SEC31A: variants seen among roughly 807,000 people sequenced by gnomAD.
SEC31A encodes the protein protein transport protein Sec31A.
SEC31A carries 70 observed loss-of-function variants against 151.0 expected under a neutral mutation model. The ratio of observed to expected loss-of-function variants is 0.46; its 90% CI spans 0.38 to 0.57. The LOEUF (loss-of-function observed/expected upper bound fraction) is 0.57. Among genes scored for constraint, SEC31A ranks in the 20% least tolerant of loss-of-function variants. The probability of loss-of-function intolerance (pLI) is 0.00; values close to 1 mark genes in which losing one functional copy is unlikely to be tolerated. For missense variants in SEC31A, 1,330 were observed against 1,471.2 expected (o/e 0.90, Z 1.57); for synonymous variants, 475 against 505.9 (o/e 0.94, Z 0.82).
At chr4:82,849,479 T>C (rs571557052) in intron 19 of SEC31A, among the ~76,000 whole-genome samples, 3 of 151,906 alleles carry the variant, frequency 2.0e-5, no homozygotes, top group Non-Finnish European at 4.4e-5. Flanking sequence ...CTGGGTGTGG[T>C]GGCGGGCACC....
chr4:82,854,868 T>C (rs748829832), intron 17 of SEC31A, 35 bp downstream of exon 17: 2 of 1,569,554 alleles, frequency 1.3e-6, no homozygotes, highest in Non-Finnish European at 8.6e-7. Flanking sequence ...CTGCCACGTA[T>C]GTAAATGCAG....
chr4:82,855,359 C>G (rs369701736), intron 16 of SEC31A, among the ~76,000 whole-genome samples: 23 of 152,258 alleles, frequency 1.5e-4, no homozygotes, highest in Admixed American at 1.0e-3. Flanking sequence ...GAAGGACAAG[C>G]AGGAATTAAC....
At chr4:82,887,075 C>A (rs188586780) in intron 1 of SEC31A, among the ~76,000 whole-genome samples, 134 of 152,162 alleles carry the variant, frequency 8.8e-4, no homozygotes, top group African/African-American at 2.9e-3. Context: ...ATTCTTAACT[C>A]TTTAAAGGAT....
chr4:82,853,345 A>C (rs1453625578), intron 18 of SEC31A, among the ~76,000 whole-genome samples: 1 of 152,142 alleles, frequency 6.6e-6, no homozygotes, highest in Non-Finnish European at 1.5e-5. Context: ...TTCCCCCAAT[A>C]AACTCACAAA....
chr4:82,822,021 CT>C (rs1384958718), intron 25 of SEC31A, among the ~76,000 whole-genome samples: 1 of 151,996 alleles, frequency 6.6e-6, no homozygotes, highest in African/African-American at 2.4e-5. Context: ...AATTAAAAAG[CT>C]TTTTTTTCTC....
intron 20 of SEC31A, 107 bp downstream of exon 20, chr4:82,848,697 G>A: frequency 2.4e-6 from 2 of 850,298 alleles, no homozygotes; most frequent in Non-Finnish European, 3.6e-6. Context: ...ACAATATATT[G>A]TCTAGTTTTA....
chr4:82,874,495 A>G, intron 6 of SEC31A, 116 bp downstream of exon 6: 1 of 1,064,700 alleles, frequency 9.4e-7, no homozygotes, highest in Non-Finnish European at 1.3e-6. Flanking sequence ...ACTGATTAAT[A>G]AAAAAACAGG....
rs1455054306 is a variant in SEC31A at position 82,856,988 on chromosome 4, T to C, written c.1845A>G (p.Lys615=). 6.2e-7 allele frequency: 1 copy of C among 1,610,790 alleles called. No homozygotes were observed. The highest frequency in any genetic ancestry group is 1.1e-5 in the South Asian group (1 of 90,340). The part of the protein sequence containing the change: ...GGQELLARTQ[K]KYFAKSQSKI... ...TGCTTTGGGATTTTGCGAAGTATTT[T>C]TTCTGGGTTCGAGCCAAGAGTTCTT... Residue 615 remains lysine, a synonymous_variant, in exon 16 of 27, where the codon AAA becomes AAG. Transcript: ENST00000395310.
At chr4:82,867,666 C>G (rs561632456) in intron 8 of SEC31A, among the ~76,000 whole-genome samples, 2 of 152,228 alleles carry the variant, frequency 1.3e-5, no homozygotes, top group East Asian at 3.9e-4. Flanking sequence ...GGGTCTCGCT[C>G]TGTCGCCCAG....
At chr4:82,855,715 CACTT>C (rs1430043242) in intron 16 of SEC31A, among the ~76,000 whole-genome samples, 2 of 152,152 alleles carry the variant, frequency 1.3e-5, no homozygotes, top group African/African-American at 4.8e-5. Context: ...CGCATGTTCT[CACTT>C]ACAAATAGGA....
chr4:82,841,951 G>A (rs1197843779), intron 22 of SEC31A, among the ~76,000 whole-genome samples, 189 bp downstream of exon 22: 3 of 151,084 alleles, frequency 2.0e-5, no homozygotes, highest in African/African-American at 4.9e-5. Flanking sequence ...CAGCCTGGGT[G>A]ACAGAGAGAG....
chr4:82,853,505 CTT>C (rs1363270397), intron 18 of SEC31A, 63 bp downstream of exon 18: 2 of 1,320,906 alleles, frequency 1.5e-6, no homozygotes, highest in Non-Finnish European at 2.1e-6. Context: ...TAGATTATAA[CTT>C]GATGATAAGT....
intron 16 of SEC31A, among the ~76,000 whole-genome samples, chr4:82,856,616 T>C (rs1021403577): frequency 1.5e-4 from 23 of 151,750 alleles, no homozygotes; most frequent in Non-Finnish European, 2.9e-4. Context: ...CTAAGCATGG[T>C]GGCGGACGCC....
chr4:82,891,656 T>G (rs1270328925), upstream of SEC31A, among the ~76,000 whole-genome samples: 1 of 152,224 alleles, frequency 6.6e-6, no homozygotes, highest in East Asian at 1.9e-4. Flanking sequence ...TTTTGAGAAC[T>G]TATACAAAGT....
chr4:82,886,314 T>A (rs1740698199), intron 1 of SEC31A, among the ~76,000 whole-genome samples: 1 of 152,236 alleles, frequency 6.6e-6, no homozygotes, highest in Middle Eastern at 3.2e-3. Flanking sequence ...GCTCTGTTAC[T>A]TATTAGCTAT....
In SEC31A at chr4:82,869,657, AT is replaced by A. The variant is rs201282331; in HGVS notation, c.882+667del. On this transcript the variant is annotated intron_variant, in intron 8 of 26. Coordinates refer to ENST00000395310, the MANE Select transcript of SEC31A (RefSeq NM_001077207.4). Reference sequence around the variant, plus strand: ...AAATGATATGCGGTAAAATTTATTAATTTTTTTTCTCTTGTCTCCCCTAATG... The same window carrying A: ...AAATGATATGCGGTAAAATTTATTAATTTTTTTCTCTTGTCTCCCCTAATG... 5.3e-3 allele frequency among the ~76,000 whole-genome samples: 808 copies of A among 151,972 alleles called. 12 individuals are homozygous for A. Among genetic ancestry groups the A allele is most frequent in the African/African-American group, 0.018 (766 of 41,468 alleles).
intron 1 of SEC31A, among the ~76,000 whole-genome samples, chr4:82,888,570 T>G (rs898741406): frequency 6.6e-6 from 1 of 151,346 alleles, no homozygotes; most frequent in Non-Finnish European, 1.5e-5. Context: ...CGGCCAGTAG[T>G]CCCCGCTACT....
At chr4:82,847,584 T>C (rs1208154557) in intron 20 of SEC31A, among the ~76,000 whole-genome samples, 2 of 152,220 alleles carry the variant, frequency 1.3e-5, no homozygotes, top group Non-Finnish European at 2.9e-5. Context: ...AATCCCAACT[T>C]GGCCGGTAAC....
At chr4:82,837,011 G>C (rs1005893622) in intron 22 of SEC31A, among the ~76,000 whole-genome samples, 11 of 151,506 alleles carry the variant, frequency 7.3e-5, no homozygotes, top group Admixed American at 6.6e-4. Flanking sequence ...TTGTATACCT[G>C]TATCAAAATA....
Sources: allele counts gnomAD v4.1 joint callset (sites outside exome capture counted in the v4.1 genomes callset), GRCh38; gene constraint gnomAD v4.1.1; transcripts MANE v1.5; gene names NCBI Gene and HGNC (gene_info 2026-07-23, HGNC 2026-07-21).